Variants in EYS observed in about 807,000 individuals in gnomAD.
EYS encodes the protein EGF-like photoreceptor maintenance factor, also known as protein eyes shut homolog.
Under a neutral mutation model 282.1 loss-of-function variants are expected in EYS, and 250 were observed. That is an observed-to-expected ratio of 0.89 (90% CI 0.80 to 0.98). EYS has a LOEUF of 0.98. Among genes scored for constraint, EYS ranks in the 50% least tolerant of loss-of-function variants. EYS has a pLI of 0.00. For missense variants in EYS, 4,016 were observed against 3,709.0 expected (o/e 1.08, Z -2.15); for synonymous variants, 1,355 against 1,282.9 (o/e 1.06, Z -1.20).
chr6:64,772,490 C>T (rs757814641), intron 22 of EYS, among the ~76,000 whole-genome samples: 16 of 151,698 alleles, frequency 1.1e-4, no homozygotes, highest in Non-Finnish European at 1.9e-4. Flanking sequence ...AGTATTTATC[C>T]TTTCTTTGTG....
chr6:65,619,404 G>T (rs990469105), intron 2 of EYS, among the ~76,000 whole-genome samples: 2 of 152,146 alleles, frequency 1.3e-5, no homozygotes, highest in Non-Finnish European at 2.9e-5. Flanking sequence ...CATTGATCTT[G>T]TATCCTGAGA....
intron 8 of EYS, among the ~76,000 whole-genome samples, chr6:65,372,009 C>CAAAAAAAA (rs1765174229): frequency 7.5e-6 from 1 of 133,058 alleles, no homozygotes; most frequent in Non-Finnish European, 1.6e-5. Context: ...AAAAAAAAAG[C>CAAAAAAAA]AAAACTGATT....
At chr6:64,785,409 A>C (rs903031659) in intron 22 of EYS, among the ~76,000 whole-genome samples, 3 of 152,172 alleles carry the variant, frequency 2.0e-5, no homozygotes, top group Admixed American at 2.0e-4. Context: ...CATTTCTTTG[A>C]GAAAATGTGA....
chr6:65,317,862 CTTT>C (rs1475960206), intron 11 of EYS, among the ~76,000 whole-genome samples: 20 of 58,660 alleles, frequency 3.4e-4, no homozygotes, highest in Admixed American at 9.8e-4. Flanking sequence ...TTCTTTCTTT[CTTT>C]CTTTCTTTCT....
intron 31 of EYS, among the ~76,000 whole-genome samples, chr6:64,182,307 C>T (rs1318611154): frequency 6.6e-6 from 1 of 152,058 alleles, no homozygotes; most frequent in Non-Finnish European, 1.5e-5. Flanking sequence ...TTTGCCTTTT[C>T]TTTCCTCAAA....
chr6:64,898,231 G>A (rs1397829847), intron 18 of EYS, among the ~76,000 whole-genome samples: 1 of 152,116 alleles, frequency 6.6e-6, no homozygotes. Flanking sequence ...TACAAAGGGA[G>A]CCCATCAGAC....
At chr6:64,896,086 A>C (rs1767452765) in intron 18 of EYS, among the ~76,000 whole-genome samples, 1 of 152,320 alleles carries the variant, frequency 6.6e-6, no homozygotes, top group Admixed American at 6.5e-5. Context: ...ATCATATATA[A>C]GGATTCTTAC....
intron 30 of EYS, among the ~76,000 whole-genome samples, chr6:64,245,000 C>T (rs1378615107): frequency 7.2e-6 from 1 of 139,232 alleles, no homozygotes; most frequent in East Asian, 2.2e-4. Context: ...ACGACAGGCC[C>T]GGGTGTGTGA....
At chr6:65,400,517 T>A (rs1766452179) in intron 7 of EYS, among the ~76,000 whole-genome samples, 1 of 151,960 alleles carries the variant, frequency 6.6e-6, no homozygotes, top group South Asian at 2.1e-4. Flanking sequence ...AACATTTTTA[T>A]GCTAACTTCC....
intron 26 of EYS, among the ~76,000 whole-genome samples, chr6:64,558,984 A>G (rs920878056): frequency 1.3e-5 from 2 of 152,188 alleles, no homozygotes; most frequent in Admixed American, 1.3e-4. Context: ...GTCCCACAAT[A>G]TAACTTGTTA....
intron 12 of EYS, among the ~76,000 whole-genome samples, chr6:65,145,122 C>A (rs981268740): frequency 6.8e-6 from 1 of 148,088 alleles, no homozygotes; most frequent in Non-Finnish European, 1.5e-5. Context: ...TAACTACCTC[C>A]TTTTATTTTT....
At chr6:63,976,610 T>C (rs9362331) in intron 35 of EYS, among the ~76,000 whole-genome samples, 55,176 of 151,942 alleles carry the variant, frequency 0.36, 10,129 homozygotes, top group African/African-American at 0.41. Flanking sequence ...CCTTTCAGTG[T>C]CTATAAAAGC....
At chr6:65,357,974 C>T (rs1224021588) in intron 8 of EYS, among the ~76,000 whole-genome samples, 1 of 151,876 alleles carries the variant, frequency 6.6e-6, no homozygotes, top group African/African-American at 2.4e-5. Context: ...TGTGACCTCT[C>T]TTTTAAAATG....
intron 22 of EYS, among the ~76,000 whole-genome samples, chr6:64,808,627 AT>A (rs376383085): frequency 0.011 from 1,596 of 150,212 alleles, 21 homozygotes; most frequent in African/African-American, 0.035. Context: ...TTTCTTGGTA[AT>A]TTTTTTTTTC....
chr6:63,777,810 A>G (rs1033876613), intron 40 of EYS, 196 bp downstream of exon 40: 1 of 539,198 alleles, frequency 1.9e-6, no homozygotes, highest in Admixed American at 3.3e-5. Context: ...CAGAACTAAG[A>G]TGGCATAAAT....
At chr6:64,851,820 A>C (rs4710503) in intron 19 of EYS, among the ~76,000 whole-genome samples, 107,880 of 151,786 alleles carry the variant, frequency 0.71, 38,725 homozygotes, top group Admixed American at 0.76. Flanking sequence ...GGAGAAGGGA[A>C]AGGATCAGGA....
rs537367880 is a variant in EYS, at chr6:63,935,359, T to A, written c.7055+49024A>T. 2.6e-5 allele frequency among the ~76,000 whole-genome samples: 4 copies of A among 152,372 alleles called. No homozygotes were observed. In the South Asian group the frequency reaches 8.3e-4, roughly 32 times the overall value. ...CACATGCCCTCTTAGACAGCACTTA[T>A]CTGTTATGAGCTGAATTGTTTTTTC... On this transcript the variant is annotated intron_variant, in intron 35 of 42. Transcript: ENST00000503581.
intron 26 of EYS, among the ~76,000 whole-genome samples, chr6:64,557,428 T>G (rs530629623): frequency 6.6e-6 from 1 of 152,136 alleles, no homozygotes; most frequent in Non-Finnish European, 1.5e-5. Flanking sequence ...CCAAAACATG[T>G]TATTTTTGAT....
chr6:64,377,199 A>C (rs1035937314), intron 29 of EYS, among the ~76,000 whole-genome samples: 2 of 152,220 alleles, frequency 1.3e-5, no homozygotes, highest in African/African-American at 4.8e-5. Context: ...GAAAAAAAGC[A>C]TACTAATGAA....
Sources: gnomAD v4.1 joint callset for allele counts (sites outside exome capture counted in the v4.1 genomes callset) on GRCh38, gnomAD v4.1.1 for gene constraint, MANE v1.5 for transcripts, NCBI Gene and HGNC (gene_info 2026-07-23, HGNC 2026-07-21) for gene names.